DLGAP2: variants seen among roughly 807,000 people sequenced by gnomAD.
DLGAP2 encodes DLG associated protein 2, also known as disks large-associated protein 2.
Under a neutral mutation model 100.3 loss-of-function variants are expected in DLGAP2, and 26 were observed. That is an observed-to-expected ratio of 0.26 (90% CI 0.19 to 0.36). DLGAP2 has a LOEUF of 0.36. Ranked by LOEUF, DLGAP2 falls within the 10% of genes least tolerant of loss-of-function variation. DLGAP2 has a pLI of 1.00. For missense variants in DLGAP2, 1,858 were observed against 1,453.2 expected (o/e 1.28, Z -4.53); for synonymous variants, 886 against 630.1 (o/e 1.41, Z -6.08).
intron 6 of DLGAP2, among the ~76,000 whole-genome samples, chr8:1,576,643 G>T (rs1380733068): frequency 6.6e-6 from 1 of 152,152 alleles, no homozygotes; most frequent in Non-Finnish European, 1.5e-5. Flanking sequence ...ATTAATTTTA[G>T]TATAAGGTGT....
At chr8:1,127,020 C>G (rs537861828) in intron 2 of DLGAP2, among the ~76,000 whole-genome samples, 1 of 151,056 alleles carries the variant, frequency 6.6e-6, no homozygotes, top group East Asian at 2.0e-4. Context: ...GGATGCCCAC[C>G]CTGTCCCCAG....
chr8:1,001,935 T>C (rs1431780684), intron 2 of DLGAP2, among the ~76,000 whole-genome samples: 1 of 152,188 alleles, frequency 6.6e-6, no homozygotes, highest in African/African-American at 2.4e-5. Context: ...GTGTTTGAGC[T>C]TAAAAATGGT....
chr8:759,443 G>A (rs1000365937), intron 1 of DLGAP2, among the ~76,000 whole-genome samples: 10 of 151,948 alleles, frequency 6.6e-5, no homozygotes, highest in African/African-American at 2.2e-4. Context: ...CGTTCCCGGG[G>A]TTGGGACGGG....
chr8:1,194,851 CTCAGT>C (rs1563245435), intron 2 of DLGAP2, among the ~76,000 whole-genome samples: 5 of 152,202 alleles, frequency 3.3e-5, no homozygotes, highest in Non-Finnish European at 7.3e-5. Context: ...GGGTTCTTCG[CTCAGT>C]CTCAGACTCT....
At chr8:1,220,682 G>A (rs1249588704) in intron 2 of DLGAP2, among the ~76,000 whole-genome samples, 1 of 152,118 alleles carries the variant, frequency 6.6e-6, no homozygotes, top group East Asian at 1.9e-4. Flanking sequence ...AATTATCTGT[G>A]TAACACTGTC....
intron 1 of DLGAP2, among the ~76,000 whole-genome samples, chr8:839,464 A>G (rs997371678): frequency 7.9e-5 from 12 of 152,226 alleles, no homozygotes; most frequent in African/African-American, 2.4e-4. Flanking sequence ...GAGCGAAATA[A>G]GCCAGGCGCA....
rs564738503 is a variant in DLGAP2 at position 947,246 on chromosome 8, A to G, written c.73+39280A>G. ...GCAGGGCTGCCCCACACTCTCTACC[A>G]GGAATCTCCCGGGGTCCACTCTCGT... On this transcript the variant is annotated intron_variant, in intron 2 of 14. Transcript: ENST00000637795. 2.2e-4 allele frequency among the ~76,000 whole-genome samples: 34 copies of G among 152,214 alleles called. 1 individual carries two copies. In the South Asian group the frequency reaches 7.1e-3, roughly 32 times the overall value.
intron 2 of DLGAP2, among the ~76,000 whole-genome samples, chr8:1,219,361 T>A (rs1454384932): frequency 6.6e-6 from 1 of 152,238 alleles, no homozygotes; most frequent in African/African-American, 2.4e-5. Flanking sequence ...CTTTTCTGCA[T>A]CTATTAAGAT....
chr8:1,027,044 G>T (rs1309176006), intron 2 of DLGAP2, among the ~76,000 whole-genome samples: 1 of 152,172 alleles, frequency 6.6e-6, no homozygotes, highest in Non-Finnish European at 1.5e-5. Flanking sequence ...ACTGTTTGTG[G>T]CAGGTGAAAT....
chr8:953,661 T>C (rs1273399270), intron 2 of DLGAP2, among the ~76,000 whole-genome samples: 5 of 152,238 alleles, frequency 3.3e-5, no homozygotes, highest in African/African-American at 1.2e-4. Flanking sequence ...TCAGTCTTTT[T>C]TCACATAAAA....
intron 2 of DLGAP2, among the ~76,000 whole-genome samples, chr8:994,742 A>T (rs1380152058): frequency 6.6e-6 from 1 of 152,168 alleles, no homozygotes; most frequent in African/African-American, 2.4e-5. Context: ...AGAGAGCCTG[A>T]ATAGTTACAG....
intron 2 of DLGAP2, among the ~76,000 whole-genome samples, chr8:1,082,535 C>T (rs1041297274): frequency 1.3e-5 from 2 of 152,168 alleles, no homozygotes; most frequent in African/African-American, 2.4e-5. Context: ...GAGGCACACG[C>T]CTCGGAACAC....
At chr8:857,203 T>C (rs1033695073) in intron 1 of DLGAP2, among the ~76,000 whole-genome samples, 3 of 152,310 alleles carry the variant, frequency 2.0e-5, no homozygotes, top group Admixed American at 2.0e-4. Context: ...CCTTACACCC[T>C]TTACAAAATT....
intron 2 of DLGAP2, among the ~76,000 whole-genome samples, chr8:1,142,239 A>T (rs1273535301): frequency 6.6e-6 from 1 of 152,206 alleles, no homozygotes; most frequent in African/African-American, 2.4e-5. Flanking sequence ...ATTATGCATC[A>T]TAAGGTGGTT....
At chr8:1,571,162 G>C (rs193283436) in intron 6 of DLGAP2, among the ~76,000 whole-genome samples, 7 of 125,366 alleles carry the variant, frequency 5.6e-5, no homozygotes, top group Non-Finnish European at 9.6e-5. Flanking sequence ...CTGGGATGGA[G>C]AGGAGAGAGG....
intron 2 of DLGAP2, among the ~76,000 whole-genome samples, chr8:932,367 T>C (rs1234978456): frequency 6.6e-6 from 1 of 152,192 alleles, no homozygotes; most frequent in Non-Finnish European, 1.5e-5. Flanking sequence ...TTATGATTTG[T>C]AAAGGGAAAA....
At chr8:809,830 C>T (rs1225074846) in intron 1 of DLGAP2, among the ~76,000 whole-genome samples, 4 of 152,102 alleles carry the variant, frequency 2.6e-5, no homozygotes, top group Non-Finnish European at 4.4e-5. Context: ...TTTCTTTGTC[C>T]CTCACTGTTC....
chr8:768,027 G>A (rs371268664), intron 1 of DLGAP2, among the ~76,000 whole-genome samples: 8 of 152,352 alleles, frequency 5.3e-5, no homozygotes, highest in African/African-American at 1.9e-4. Context: ...ACATGGTGGA[G>A]TGAAGGAAGA....
intron 2 of DLGAP2, among the ~76,000 whole-genome samples, chr8:1,146,182 G>A (rs1412826405): frequency 6.6e-6 from 1 of 152,176 alleles, no homozygotes; most frequent in Non-Finnish European, 1.5e-5. Context: ...AGCCCCTGCA[G>A]GTGCTGTGAC....
Sources: gnomAD v4.1 joint callset for allele counts (sites outside exome capture counted in the v4.1 genomes callset) on GRCh38, gnomAD v4.1.1 for gene constraint, MANE v1.5 for transcripts, NCBI Gene and HGNC (gene_info 2026-07-23, HGNC 2026-07-21) for gene names.